The following SORCS2 variants were observed in gnomAD, a reference collection of about 807,000 sequenced individuals.
The protein encoded by SORCS2 is VPS10 domain-containing receptor SorCS2.
Under a neutral mutation model 141.6 loss-of-function variants are expected in SORCS2, and 100 were observed. The observed-to-expected ratio is 0.71, with a 90% confidence interval of 0.60 to 0.83. The LOEUF (loss-of-function observed/expected upper bound fraction) is 0.83, where lower values mean the gene tolerates loss of function less well. Among genes scored for constraint, SORCS2 ranks in the 40% least tolerant of loss-of-function variants. SORCS2 has a pLI of 0.00. For synonymous variants in SORCS2, 789 were observed against 676.9 expected (o/e 1.17, Z -2.57); for missense variants, 1,646 against 1,560.2 (o/e 1.05, Z -0.93).
At chr4:7,633,585 G>C (rs1285905264) in intron 3 of SORCS2, among the ~76,000 whole-genome samples, 10 of 152,180 alleles carry the variant, frequency 6.6e-5, no homozygotes, top group Non-Finnish European at 1.3e-4. Flanking sequence ...AAGAATGAAT[G>C]AATGAGCCTT....
chr4:7,451,298 A>G (rs1728449973), intron 2 of SORCS2, among the ~76,000 whole-genome samples: 1 of 152,246 alleles, frequency 6.6e-6, no homozygotes, highest in Non-Finnish European at 1.5e-5. Context: ...CAGCAGCGGC[A>G]GTGGGGCCTG....
intron 2 of SORCS2, among the ~76,000 whole-genome samples, chr4:7,407,517 T>G (rs115041593): frequency 0.026 from 3,915 of 152,182 alleles, 161 homozygotes; most frequent in African/African-American, 0.09. Context: ...TTTTTTGGTT[T>G]CAAGTTGCAT....
chr4:7,228,313 G>A (rs566397155), intron 1 of SORCS2, among the ~76,000 whole-genome samples: 21 of 151,446 alleles, frequency 1.4e-4, no homozygotes, highest in East Asian at 3.9e-4. Context: ...AAATACAGAC[G>A]CATCCTGGGG....
At chr4:7,689,712 C>T (rs1367846094) in intron 11 of SORCS2, 124 bp downstream of exon 11, 1 of 824,740 alleles carries the variant, frequency 1.2e-6, no homozygotes, top group Non-Finnish European at 1.8e-6. Flanking sequence ...GGAGGCAGTA[C>T]CACTGCATCT....
rs147592786 is a variant in SORCS2, at chr4:7,218,752, G to A, written c.480+25626G>A. Among the ~76,000 whole-genome samples the A allele has an allele frequency of 2.7e-3, 414 of 152,310 alleles. 2 individuals are homozygous for A. The Middle Eastern group carries it at 0.027, about 10-fold the overall frequency. On this transcript the variant is annotated intron_variant, in intron 1 of 26. Coordinates refer to ENST00000507866, the MANE Select transcript of SORCS2 (RefSeq NM_020777.3). ...GAAGGCAACCCTTCAATATCATAAC[G>A]ATGAATCCCGATAGGAATGTCAGGA...
chr4:7,604,797 A>C (rs1303822955), intron 3 of SORCS2, among the ~76,000 whole-genome samples: 1 of 152,156 alleles, frequency 6.6e-6, no homozygotes, highest in Non-Finnish European at 1.5e-5. Flanking sequence ...TCTTTATAGC[A>C]GTGTGAGAAC....
chr4:7,689,902 C>T (rs1724110864), intron 11 of SORCS2, among the ~76,000 whole-genome samples: 1 of 140,356 alleles, frequency 7.1e-6, no homozygotes, highest in Admixed American at 7.0e-5. Context: ...TGAATGATGG[C>T]TGGCTGGATG....
chr4:7,617,230 T>A (rs2108820124), intron 3 of SORCS2, among the ~76,000 whole-genome samples: 1 of 152,232 alleles, frequency 6.6e-6, no homozygotes, highest in Admixed American at 6.5e-5. Context: ...TCCATCCACC[T>A]ACTCACCCAT....
At chr4:7,538,347 C>T (rs1302349322) in intron 3 of SORCS2, among the ~76,000 whole-genome samples, 5 of 152,138 alleles carry the variant, frequency 3.3e-5, no homozygotes, top group African/African-American at 1.2e-4. Flanking sequence ...GGACCCAAGG[C>T]CCTGGGGGCC....
chr4:7,413,854 G>A (rs1309388773), intron 2 of SORCS2, among the ~76,000 whole-genome samples: 3 of 152,116 alleles, frequency 2.0e-5, no homozygotes, highest in Admixed American at 6.5e-5. Flanking sequence ...CCTGCCCCAC[G>A]TCTCTATGTT....
intron 1 of SORCS2, among the ~76,000 whole-genome samples, chr4:7,344,469 C>T (rs1416384015): frequency 2.0e-5 from 3 of 152,192 alleles, no homozygotes; most frequent in Non-Finnish European, 4.4e-5. Flanking sequence ...CTTGCAGCCT[C>T]TGCTCTGCTC....
intron 1 of SORCS2, among the ~76,000 whole-genome samples, chr4:7,308,241 G>A (rs995853876): frequency 1.3e-5 from 2 of 152,184 alleles, no homozygotes; most frequent in Non-Finnish European, 2.9e-5. Context: ...CCAGGATGGA[G>A]GTCAGTGCCC....
At chr4:7,214,056 T>C (rs1728191748) in intron 1 of SORCS2, among the ~76,000 whole-genome samples, 1 of 152,146 alleles carries the variant, frequency 6.6e-6, no homozygotes, top group South Asian at 2.1e-4. Flanking sequence ...TTACAGGAAT[T>C]GTGGGAGAGA....
intron 2 of SORCS2, among the ~76,000 whole-genome samples, chr4:7,490,880 C>T (rs1443539760): frequency 6.6e-6 from 1 of 152,188 alleles, no homozygotes; most frequent in African/African-American, 2.4e-5. Context: ...GTGCCCTCTG[C>T]CCATGCCTTA....
At chr4:7,585,240 T>C (rs1560405519) in intron 3 of SORCS2, among the ~76,000 whole-genome samples, 1 of 152,354 alleles carries the variant, frequency 6.6e-6, no homozygotes, top group East Asian at 1.9e-4. Flanking sequence ...CATCGGGGCC[T>C]GAGCTATCAC....
chr4:7,210,696 C>A (rs1462156607), intron 1 of SORCS2, among the ~76,000 whole-genome samples: 3 of 152,196 alleles, frequency 2.0e-5, no homozygotes, highest in Non-Finnish European at 4.4e-5. Context: ...GTCAAGTCTT[C>A]CCCTGTAAAA....
At chr4:7,546,340 G>C (rs1317134425) in intron 3 of SORCS2, among the ~76,000 whole-genome samples, 1 of 152,094 alleles carries the variant, frequency 6.6e-6, no homozygotes, top group Non-Finnish European at 1.5e-5. Context: ...GCACCGGCGG[G>C]GCTTGCTAGT....
chr4:7,280,764 C>G (rs559361652), intron 1 of SORCS2, among the ~76,000 whole-genome samples: 1 of 152,274 alleles, frequency 6.6e-6, no homozygotes, highest in Non-Finnish European at 1.5e-5. Context: ...ACAGAGATGA[C>G]TAGTACTGCA....
At chr4:7,623,384 C>T (rs1485226407) in intron 3 of SORCS2, among the ~76,000 whole-genome samples, 2 of 152,084 alleles carry the variant, frequency 1.3e-5, no homozygotes, top group Admixed American at 1.3e-4. Flanking sequence ...CATGCTTGAG[C>T]TCTCGGTGGC....
Sources: allele counts gnomAD v4.1 joint callset (sites outside exome capture counted in the v4.1 genomes callset), GRCh38; gene constraint gnomAD v4.1.1; transcripts MANE v1.5; gene names NCBI Gene and HGNC (gene_info 2026-07-23, HGNC 2026-07-21).